VWDE: variants seen among roughly 807,000 people sequenced by gnomAD.
VWDE encodes von Willebrand factor D and EGF domain-containing protein.
In VWDE, 207 loss-of-function variants were observed where a neutral mutation model predicts 178.4. The observed-to-expected ratio is 1.16, with a 90% CI of 1.04 to 1.30. The LOEUF is 1.30. VWDE is among the 50% of genes most tolerant of loss of function. VWDE has a pLI of 0.00. For synonymous variants in VWDE, 738 were observed against 651.4 expected (o/e 1.13, Z -2.02); for missense variants, 2,287 against 1,901.3 (o/e 1.20, Z -3.77).
intron 6 of VWDE, among the ~76,000 whole-genome samples, chr7:12,378,945 C>T (rs992428183): frequency 2.0e-5 from 3 of 152,118 alleles, no homozygotes; most frequent in African/African-American, 7.2e-5. Flanking sequence ...TTTGATATTG[C>T]CCCCACTTCT....
rs185072387 is a variant in VWDE, at chr7:12,399,419, G to A, written c.58+4240C>T. Among the ~76,000 whole-genome samples the A allele has an allele frequency of 1.1e-4, 16 of 152,202 alleles. No homozygotes were observed. In the East Asian group the frequency reaches 3.1e-3, roughly 29 times the overall value. On this transcript the variant is annotated intron_variant, in intron 1 of 28. Transcript: ENST00000275358. ...TAACTGAACCTAATAACAGAGCACT[G>A]AAATATGTGAAGCAAAATGCAGCAG...
intron 7 of VWDE, among the ~76,000 whole-genome samples, chr7:12,376,622 C>G (rs1004550538): frequency 6.6e-6 from 1 of 152,032 alleles, no homozygotes; most frequent in Non-Finnish European, 1.5e-5. Context: ...TTTCTGTTCT[C>G]TCCATAAACT....
intron 2 of VWDE, among the ~76,000 whole-genome samples, chr7:12,391,054 G>A (rs1232493953): frequency 6.6e-6 from 1 of 152,044 alleles, no homozygotes; most frequent in Non-Finnish European, 1.5e-5. Flanking sequence ...TTATGAAAAT[G>A]AATTTATAAT....
At chr7:12,353,048 A>G (rs1782030179) in intron 18 of VWDE, among the ~76,000 whole-genome samples, 1 of 152,154 alleles carries the variant, frequency 6.6e-6, no homozygotes, top group African/African-American at 2.4e-5. Context: ...ATTCATTATA[A>G]TTCCCCTCCA....
chr7:12,367,935 G>C (rs761237059), intron 12 of VWDE, among the ~76,000 whole-genome samples: 1 of 151,960 alleles, frequency 6.6e-6, no homozygotes, highest in Non-Finnish European at 1.5e-5. Flanking sequence ...AGTAACATCT[G>C]GTTGTCAAAA....
chr7:12,332,192 A>T (rs988312213), intron 28 of VWDE, among the ~76,000 whole-genome samples: 1 of 80,624 alleles, frequency 1.2e-5, no homozygotes, highest in Non-Finnish European at 2.2e-5. Flanking sequence ...CAAGTAAAGA[A>T]AAAAAAGACA....
chr7:12,358,603 G>T (rs986998565), intron 16 of VWDE, among the ~76,000 whole-genome samples: 2 of 152,030 alleles, frequency 1.3e-5, no homozygotes, highest in Non-Finnish European at 2.9e-5. Context: ...TCTGACTCCT[G>T]TTCTGCCCCT....
intron 1 of VWDE, among the ~76,000 whole-genome samples, chr7:12,402,955 G>A (rs1784977307): frequency 6.6e-6 from 1 of 151,958 alleles, no homozygotes; most frequent in African/African-American, 2.4e-5. Context: ...ATAAGAACAA[G>A]TCACCTTTCA....
At chr7:12,395,981 CA>C (rs145667898) in intron 1 of VWDE, among the ~76,000 whole-genome samples, 4,815 of 151,924 alleles carry the variant, frequency 0.032, 263 homozygotes, top group African/African-American at 0.11. Flanking sequence ...CTTTTCCCCT[CA>C]AAAAAAGTAG....
chr7:12,363,769 T>C (rs1782706875), intron 13 of VWDE, among the ~76,000 whole-genome samples: 2 of 152,058 alleles, frequency 1.3e-5, no homozygotes, highest in Admixed American at 6.6e-5. Context: ...CTTAGAACTA[T>C]AATATTTCAT....
chr7:12,375,373 T>C, intron 7 of VWDE, 146 bp from the exon 8 acceptor site: 3 of 739,324 alleles, frequency 4.1e-6, no homozygotes, highest in Non-Finnish European at 6.4e-6. Flanking sequence ...GCAAATTTTG[T>C]CTAAATTAAG....
chr7:12,337,322 A>G, intron 24 of VWDE, 50 bp from the exon 25 acceptor site: 1 of 1,386,054 alleles, frequency 7.2e-7, no homozygotes, highest in Non-Finnish European at 1.0e-6. Flanking sequence ...TCCCATTACT[A>G]CATATGATAC....
At chr7:12,386,314 G>A (rs1356290752) in intron 3 of VWDE, among the ~76,000 whole-genome samples, 1 of 152,176 alleles carries the variant, frequency 6.6e-6, no homozygotes, top group Non-Finnish European at 1.5e-5. Context: ...AATGCCACTA[G>A]CTATACTAAA....
chr7:12,377,721 A>G (rs2128557601), intron 7 of VWDE, 55 bp downstream of exon 7: 1 of 1,178,304 alleles, frequency 8.5e-7, no homozygotes, highest in East Asian at 2.9e-5. Flanking sequence ...TACAGGAAAA[A>G]AAAGCATTAT....
At chr7:12,395,671 TA>T (rs1318971890) in intron 1 of VWDE, among the ~76,000 whole-genome samples, 1 of 152,092 alleles carries the variant, frequency 6.6e-6, no homozygotes, top group Non-Finnish European at 1.5e-5. Context: ...TTATATCTAT[TA>T]TTTCATAACT....
In VWDE at chr7:12,370,209, T is replaced by G. The variant is rs1245718170; in HGVS notation, c.2097A>C (p.Lys699Asn). 1 of 1,551,286 alleles carries G rather than the reference T, an allele frequency of 6.4e-7. No individual in the cohort carries two copies. Among genetic ancestry groups the G allele is most frequent in the Admixed American group, 2.0e-5 (1 of 50,918 alleles). The change falls in exon 12 of 29, where the codon AAA becomes AAC. Residue 699 changes from lysine (K) to asparagine (N), a missense_variant. Transcript: ENST00000275358. ...CGAGTTTAGTCAGGTTTATGTGTTT[T>G]TTTTCTTGCAGAAATAAATTTAGAT... ...EYNLNLFLQE[K>N]KHINLTKLGL... is the part of the protein sequence containing the mutation.
At chr7:12,344,492 A>C in intron 19 of VWDE, 23 bp from the exon 20 acceptor site, 1 of 1,526,220 alleles carries the variant, frequency 6.6e-7, no homozygotes, top group Non-Finnish European at 8.9e-7. Context: ...CAAAGAAAAA[A>C]AGGTTGATTG....
At chr7:12,381,700 G>A (rs1164131244) in intron 4 of VWDE, among the ~76,000 whole-genome samples, 3 of 151,666 alleles carry the variant, frequency 2.0e-5, no homozygotes, top group East Asian at 1.9e-4. Context: ...CAGTATATTC[G>A]AACTTGAAGG....
At chr7:12,399,088 T>A (rs1026749164) in intron 1 of VWDE, among the ~76,000 whole-genome samples, 13 of 152,274 alleles carry the variant, frequency 8.5e-5, no homozygotes, top group African/African-American at 3.1e-4. Context: ...AATTTCAGGT[T>A]CTTCAGCAAC....
Sources: gnomAD v4.1 joint callset for allele counts (sites outside exome capture counted in the v4.1 genomes callset) on GRCh38, gnomAD v4.1.1 for gene constraint, MANE v1.5 for transcripts, NCBI Gene and HGNC (gene_info 2026-07-23, HGNC 2026-07-21) for gene names.